The following BICDL2 variants were observed in gnomAD, a reference collection of about 807,000 sequenced individuals.
BICDL2 encodes the protein BICD family like cargo adaptor 2.
In BICDL2, 62 loss-of-function variants were observed where a neutral mutation model predicts 56.6. That is an observed-to-expected ratio of 1.10 (90% confidence interval 0.89 to 1.35). The LOEUF (loss-of-function observed/expected upper bound fraction) is 1.35. BICDL2 is among the 40% of genes most tolerant of loss of function. The pLI is 0.00. For missense variants in BICDL2, 808 were observed against 684.5 expected, an observed-to-expected ratio of 1.18 and a Z score of -2.01; for synonymous variants, 358 against 319.8, an observed-to-expected ratio of 1.12 and a Z score of -1.27.
intron 4 of BICDL2, 48 bp downstream of exon 4, chr16:3,030,648 C>T (rs1207676739): frequency 6.3e-7 from 1 of 1,593,990 alleles, no homozygotes; most frequent in Admixed American, 1.7e-5. Flanking sequence ...CAGCCCTCAG[C>T]CCGGCTTTTT....
chr16:3,029,982 C>G (rs1226055128), intron 5 of BICDL2: 2 of 530,644 alleles, frequency 3.8e-6, no homozygotes, highest in Non-Finnish European at 6.6e-6. Context: ...CCTGCCCAGT[C>G]TACCTCCTCA....
At chr16:3,036,559 C>T (rs1955735662) in intron 1 of BICDL2, 6 of 451,904 alleles carry the variant, frequency 1.3e-5, no homozygotes, top group Non-Finnish European at 2.7e-5. Context: ...CCCAGCCGCC[C>T]CCAGGCCGCT....
intron 2 of BICDL2, chr16:3,031,863 G>A (rs1955661381): frequency 3.9e-6 from 1 of 257,002 alleles, no homozygotes; most frequent in South Asian, 1.7e-4. Flanking sequence ...TTTACAGATG[G>A]AACAAGCTCA....
intron 1 of BICDL2, chr16:3,035,740 GC>G: frequency 1.8e-6 from 1 of 560,080 alleles, no homozygotes. Context: ...GACCTGCCCA[GC>G]CTTTGGCCTC....
chr16:3,029,180 G>T, intron 7 of BICDL2, 100 bp downstream of exon 7: 3 of 1,447,886 alleles, frequency 2.1e-6, no homozygotes, highest in Non-Finnish European at 2.8e-6. Flanking sequence ...GCCGATCCAG[G>T]TATAGGGAGC....
chr16:3,028,626 G>A (rs1176887115), intron 8 of BICDL2, 74 bp downstream of exon 8: 3 of 1,528,704 alleles, frequency 2.0e-6, no homozygotes, highest in Non-Finnish European at 2.6e-6. Context: ...ATTATAACCC[G>A]TATCAGAAGA....
chr16:3,036,812 C>T lies in BICDL2; in HGVS notation c.-31+82G>A, dbSNP rs533762671. ...GTTCCCCTGCCCCCGCCCCGGCTCC[C>T]CCACCTTCTCCGCCGACGCGGCCGG... On this transcript the variant is annotated intron_variant, in intron 1 of 9. Transcript: ENST00000572449. 3.3e-3 allele frequency: 1,095 copies of T among 333,698 alleles called. 13 individuals are homozygous for T. Among genetic ancestry groups the T allele is most frequent in the African/African-American group, 0.023 (989 of 43,088 alleles). The allele number at this position is 333,698 out of a possible 1,614,324, so 20.7% of individuals were successfully genotyped here.
At chr16:3,029,164 A>G in intron 7 of BICDL2, 116 bp downstream of exon 7, 1 of 1,343,534 alleles carries the variant, frequency 7.4e-7, no homozygotes, top group South Asian at 1.3e-5. Context: ...GTTTGTTGAG[A>G]TGAAAGCCGA....
At position 3,028,361 on chromosome 16, in the gene BICDL2, A is replaced by T; in HGVS notation, c.1346T>A (p.Leu449Gln). 1.3e-6 allele frequency: 2 copies of T among 1,549,694 alleles called. No individual in the cohort carries two copies. The highest frequency in any genetic ancestry group is 2.3e-5 in the South Asian group (2 of 85,522). ...IRQKVALTQELEAWQDDMQVV... is the reference protein window; with the variant it reads ...IRQKVALTQEQEAWQDDMQVV... ...CCCGCCCCTCACCTGCCAGGCCTCC[A>T]GCTCCTGCGTGAGCGCCACCTTCTG... Residue 449 changes from leucine to glutamine, a missense_variant, in exon 9 of 10, where the codon CTG (leucine) becomes CAG (glutamine). Physicochemically the swap from Leu to Gln is moderately radical, Grantham distance 113 (BLOSUM62 -2). Transcript: ENST00000572449.
intron 2 of BICDL2, among the ~76,000 whole-genome samples, chr16:3,034,604 G>A (rs1955701341): frequency 6.6e-6 from 1 of 151,378 alleles, no homozygotes; most frequent in Admixed American, 6.6e-5. Context: ...TTAATCCTCA[G>A]AGTTCATGCC....
chr16:3,035,084 G>T (rs732261), intron 2 of BICDL2, 131 bp downstream of exon 2: 3 of 911,272 alleles, frequency 3.3e-6, no homozygotes, highest in South Asian at 3.4e-5. Context: ...GTTCCAAAGT[G>T]CCCCCCTCGC....
chr16:3,035,119 C>G, intron 2 of BICDL2, 96 bp downstream of exon 2: 3 of 1,239,448 alleles, frequency 2.4e-6, no homozygotes, highest in Non-Finnish European at 3.3e-6. Flanking sequence ...CAGCTCCTCT[C>G]TCCTTCCCTT....
In BICDL2 at chr16:3,028,418, G is replaced by T; in HGVS notation, c.1289C>A (p.Ser430Tyr). The T allele has an allele frequency of 6.4e-7, 1 of 1,558,820 alleles. No individual in the cohort carries two copies. Among genetic ancestry groups the T allele is most frequent in the Non-Finnish European group, 8.6e-7 (1 of 1,160,962 alleles). The change falls in exon 9 of 10, where the codon TCC (serine) becomes TAC (tyrosine). Residue 430 changes from serine (S) to tyrosine (Y), a missense_variant. Physicochemically the swap from Ser to Tyr is moderately radical, Grantham distance 144 (BLOSUM62 -2). Coordinates refer to ENST00000572449, the MANE Select transcript of BICDL2 (RefSeq NM_001369667.1). ...GGCGCGCAGCAGCTCCCGAGACAGG[G>T]AGTCTCGCTCCAGCGAGACGCGGTT... The part of the protein sequence containing the change: ...QLNRVSLERD[S>Y]LSRELLRAIR...
intron 2 of BICDL2, among the ~76,000 whole-genome samples, chr16:3,033,794 A>AT (rs1955689166): frequency 7.7e-6 from 1 of 129,348 alleles, no homozygotes; most frequent in Non-Finnish European, 1.7e-5. Context: ...CTCCAAAAAA[A>AT]GAAAAAAAAA....
At chr16:3,031,615 A>C in intron 2 of BICDL2, 1 of 403,650 alleles carries the variant, frequency 2.5e-6, no homozygotes, top group Non-Finnish European at 4.4e-6. Flanking sequence ...GCCCTGGCCC[A>C]AAAACCTGTC....
In BICDL2 at chr16:3,035,458, C is replaced by CG. The variant is rs772299907; in HGVS notation, c.38dup (p.Leu14AlafsTer32). ...CGCTGGGAGAGGCGCCCCCTGAGAG[C>CG]GGCCCGGACGGGAAGCTGGGCCCAT... On this transcript the variant is annotated frameshift_variant, in exon 2 of 10. Transcript: ENST00000572449. LOFTEE classifies it high-confidence loss of function. 5.6e-6 allele frequency: 9 copies of CG among 1,611,646 alleles called. No individual in the cohort carries two copies. Among genetic ancestry groups the CG allele is most frequent in the Non-Finnish European group, 5.9e-6 (7 of 1,179,736 alleles).
chr16:3,036,134 C>T (rs1247355542), intron 1 of BICDL2: 2 of 398,984 alleles, frequency 5.0e-6, no homozygotes, highest in African/African-American at 4.2e-5. Flanking sequence ...ATGTCCCCCA[C>T]CAAGGATTCC....
intron 5 of BICDL2, chr16:3,030,211 C>T: frequency 1.8e-6 from 1 of 568,868 alleles, no homozygotes; most frequent in South Asian, 2.4e-5. Context: ...CTGGCCTGAG[C>T]TCTGGCACCA....
chr16:3,031,587 T>C (rs1955656410), intron 2 of BICDL2: 2 of 412,976 alleles, frequency 4.8e-6, no homozygotes, highest in Non-Finnish European at 8.6e-6. Context: ...TTCCCTCTAA[T>C]TAACCCTGGT....
Sources: allele counts gnomAD v4.1 joint callset (sites outside exome capture counted in the v4.1 genomes callset), GRCh38; gene constraint gnomAD v4.1.1; transcripts MANE v1.5; gene names NCBI Gene and HGNC (gene_info 2026-07-23, HGNC 2026-07-21).